Variants in PTPRD observed in about 807,000 individuals in gnomAD.
PTPRD encodes the protein protein tyrosine phosphatase receptor type D.
A neutral mutation model predicts 214.5 loss-of-function variants in PTPRD; 34 were observed. The observed-to-expected ratio is 0.16, with a 90% CI of 0.12 to 0.21. PTPRD has a LOEUF of 0.21. Among genes scored for constraint, PTPRD ranks in the 10% least tolerant of loss-of-function variants. The pLI, the probability that PTPRD is intolerant of heterozygous loss-of-function variation, is 1.00. For missense variants in PTPRD, 2,545 were observed against 2,398.7 expected (o/e 1.06, Z -1.27); for synonymous variants, 1,128 against 845.7 (o/e 1.33, Z -5.79).
chr9:10,207,207 T>G (rs2099487518), intron 3 of PTPRD, among the ~76,000 whole-genome samples: 1 of 152,142 alleles, frequency 6.6e-6, no homozygotes, highest in Non-Finnish European at 1.5e-5. Context: ...ACATCTAATT[T>G]TTCCCACTTT....
chr9:8,397,794 C>G (rs1402871467), intron 36 of PTPRD, among the ~76,000 whole-genome samples: 1 of 152,138 alleles, frequency 6.6e-6, no homozygotes. Flanking sequence ...ATGTGAGCAG[C>G]TTTCTCATCT....
intron 2 of PTPRD, among the ~76,000 whole-genome samples, chr9:10,482,991 C>T (rs2099110359): frequency 6.6e-6 from 1 of 152,014 alleles, no homozygotes; most frequent in South Asian, 2.1e-4. Flanking sequence ...CAATCCTAAG[C>T]AAAAAGAACA....
At chr9:10,277,511 G>A (rs1041196010) in intron 3 of PTPRD, among the ~76,000 whole-genome samples, 1 of 152,128 alleles carries the variant, frequency 6.6e-6, no homozygotes, top group Non-Finnish European at 1.5e-5. Flanking sequence ...AATAATCATA[G>A]AGCCTAACAT....
At chr9:9,785,452 C>G (rs866358823) in intron 5 of PTPRD, among the ~76,000 whole-genome samples, 30 of 152,062 alleles carry the variant, frequency 2.0e-4, no homozygotes, top group Middle Eastern at 3.2e-3. Context: ...AAGGACACAA[C>G]ATAGTTTCTG....
intron 9 of PTPRD, among the ~76,000 whole-genome samples, chr9:9,356,545 C>A (rs1369393422): frequency 2.0e-5 from 3 of 151,252 alleles, no homozygotes; most frequent in Admixed American, 1.3e-4. Context: ...ATAAGGCCAG[C>A]TTTTAAGATG....
At chr9:9,701,165 A>T (rs1348104059) in intron 7 of PTPRD, among the ~76,000 whole-genome samples, 5 of 152,160 alleles carry the variant, frequency 3.3e-5, no homozygotes, top group African/African-American at 4.8e-5. Flanking sequence ...GGATGAGCTT[A>T]GGAATTTGGC....
intron 12 of PTPRD, among the ~76,000 whole-genome samples, chr9:8,728,424 C>A (rs1014413610): frequency 6.6e-6 from 1 of 152,156 alleles, no homozygotes; most frequent in East Asian, 1.9e-4. Context: ...TCTTGAACTC[C>A]TGTCCTCAAA....
chr9:8,630,598 C>T (rs1415739655), intron 14 of PTPRD, among the ~76,000 whole-genome samples: 1 of 151,706 alleles, frequency 6.6e-6, no homozygotes. Flanking sequence ...TCTAAAACTG[C>T]TCAACATAGT....
At chr9:10,538,871 T>C (rs555723146) in intron 2 of PTPRD, among the ~76,000 whole-genome samples, 137 of 152,318 alleles carry the variant, frequency 9.0e-4, no homozygotes, top group African/African-American at 3.2e-3. Flanking sequence ...TGGAATTTTT[T>C]AAACAAGCTG....
intron 3 of PTPRD, among the ~76,000 whole-genome samples, chr9:10,295,516 C>T (rs546760810): frequency 6.6e-6 from 1 of 152,194 alleles, no homozygotes; most frequent in East Asian, 1.9e-4. Flanking sequence ...CCTGCTTTCT[C>T]TTAGGTTCTC....
intron 11 of PTPRD, among the ~76,000 whole-genome samples, chr9:8,991,149 G>A (rs1382971422): frequency 6.6e-6 from 1 of 151,332 alleles, no homozygotes; most frequent in Non-Finnish European, 1.5e-5. Flanking sequence ...AACACGGGAG[G>A]TGGAGGCTGC....
chr9:8,391,432 C>G (rs1240249460), intron 36 of PTPRD, among the ~76,000 whole-genome samples: 1 of 152,128 alleles, frequency 6.6e-6, no homozygotes, highest in African/African-American at 2.4e-5. Flanking sequence ...GTTTTGGCAG[C>G]TCTTTGTTGA....
chr9:10,175,216 G>C (rs1208746024), intron 3 of PTPRD, among the ~76,000 whole-genome samples: 1 of 151,924 alleles, frequency 6.6e-6, no homozygotes, highest in African/African-American at 2.4e-5. Flanking sequence ...ATCTGATAAG[G>C]TCACTTAGCC....
intron 11 of PTPRD, among the ~76,000 whole-genome samples, chr9:8,886,888 T>G (rs1270731482): frequency 6.6e-6 from 1 of 152,242 alleles, no homozygotes; most frequent in Non-Finnish European, 1.5e-5. Flanking sequence ...ACACACAAAC[T>G]GCATTTCTAT....
intron 11 of PTPRD, among the ~76,000 whole-genome samples, chr9:8,827,997 T>C (rs1040625123): frequency 2.0e-5 from 3 of 152,204 alleles, no homozygotes; most frequent in African/African-American, 7.2e-5. Flanking sequence ...TATTCAATAC[T>C]GTGTTGGGCA....
intron 11 of PTPRD, among the ~76,000 whole-genome samples, chr9:8,982,026 A>G (rs1327015559): frequency 2.0e-5 from 3 of 152,062 alleles, no homozygotes; most frequent in African/African-American, 7.2e-5. Flanking sequence ...TATGGGTAAG[A>G]AAATTTGTAA....
At chr9:10,304,043 C>T (rs911548393) in intron 3 of PTPRD, among the ~76,000 whole-genome samples, 1 of 152,132 alleles carries the variant, frequency 6.6e-6, no homozygotes. Context: ...ATTCCAGCAG[C>T]ACATCAAAAC....
chr9:9,987,159 C>T (rs1387249170), intron 4 of PTPRD, among the ~76,000 whole-genome samples: 1 of 152,092 alleles, frequency 6.6e-6, no homozygotes, highest in African/African-American at 2.4e-5. Context: ...CAACCAACAA[C>T]CTTTTCTCTG....
At chr9:9,670,502 C>T (rs1393184034) in intron 7 of PTPRD, among the ~76,000 whole-genome samples, 1 of 152,196 alleles carries the variant, frequency 6.6e-6, no homozygotes, top group Non-Finnish European at 1.5e-5. Flanking sequence ...ATCCCCAAGA[C>T]AATAAGGGAA....
Sources: allele counts gnomAD v4.1 joint callset (sites outside exome capture counted in the v4.1 genomes callset), GRCh38; gene constraint gnomAD v4.1.1; transcripts MANE v1.5; gene names NCBI Gene and HGNC (gene_info 2026-07-23, HGNC 2026-07-21).